Variants in RRAS2 observed in about 807,000 individuals in gnomAD.
RRAS2 encodes the protein ras-related protein R-Ras2.
Under a neutral mutation model 27.6 loss-of-function variants are expected in RRAS2, and 7 were observed. That is an observed-to-expected ratio of 0.25 (90% CI 0.14 to 0.48). The LOEUF is 0.48. RRAS2 is among the 20% of genes least tolerant of loss of function. The pLI is 0.99. For missense variants in RRAS2, 178 were observed against 256.2 expected (o/e 0.69, Z 2.08); for synonymous variants, 86 against 90.9 (o/e 0.95, Z 0.31).
At chr11:14,359,506 C>G (rs1849160514), upstream of RRAS2, among the ~76,000 whole-genome samples, 1 of 152,180 alleles carries the variant, frequency 6.6e-6, no homozygotes, top group Non-Finnish European at 1.5e-5. Context: ...AGTACATACC[C>G]TGCTTTAAGA....
intron 1 of RRAS2, among the ~76,000 whole-genome samples, chr11:14,301,570 T>C (rs186493768): frequency 5.9e-5 from 9 of 152,324 alleles, no homozygotes; most frequent in Admixed American, 5.9e-4. Context: ...GTCAGAGAAG[T>C]AAAGTGACCT....
intron 1 of RRAS2, among the ~76,000 whole-genome samples, chr11:14,302,111 CCAA>C (rs1847729866): frequency 1.4e-5 from 2 of 146,972 alleles, no homozygotes; most frequent in South Asian, 2.1e-4. Flanking sequence ...CACACACACA[CCAA>C]AAACCAAGAC....
intron 1 of RRAS2, among the ~76,000 whole-genome samples, chr11:14,353,987 T>C (rs1430798964): frequency 6.6e-6 from 1 of 152,200 alleles, no homozygotes. Context: ...TTCAAAATAA[T>C]AGATAAAAGT....
At chr11:14,304,504 C>T (rs184238945) in intron 1 of RRAS2, among the ~76,000 whole-genome samples, 2 of 152,224 alleles carry the variant, frequency 1.3e-5, no homozygotes, top group Admixed American at 1.3e-4. Flanking sequence ...TTTTGGGTTT[C>T]AAAAGAAGCT....
chr11:14,298,952 A>C (rs1554947037), intron 1 of RRAS2, among the ~76,000 whole-genome samples: 1 of 152,202 alleles, frequency 6.6e-6, no homozygotes, highest in African/African-American at 2.4e-5. Context: ...CCAATAAGTA[A>C]TCAGTCCCCG....
At chr11:14,314,759 G>A (rs1020631271) in intron 1 of RRAS2, among the ~76,000 whole-genome samples, 6 of 152,050 alleles carry the variant, frequency 3.9e-5, no homozygotes, top group Admixed American at 6.6e-5. Flanking sequence ...GTGCGATCTC[G>A]GCTCACTGCA....
chr11:14,327,151 A>G (rs906776941), intron 1 of RRAS2, among the ~76,000 whole-genome samples: 1 of 152,240 alleles, frequency 6.6e-6, no homozygotes, highest in Admixed American at 6.5e-5. Context: ...ACTAAGATGA[A>G]GCAGACATAG....
At chr11:14,301,412 TTC>T (rs797034359) in intron 1 of RRAS2, among the ~76,000 whole-genome samples, 3 of 152,302 alleles carry the variant, frequency 2.0e-5, no homozygotes, top group African/African-American at 4.8e-5. Flanking sequence ...CCAGGTTTTT[TTC>T]TCTTTTCCCC....
At chr11:14,307,639 C>T (rs782410149) in intron 1 of RRAS2, among the ~76,000 whole-genome samples, 1 of 152,042 alleles carries the variant, frequency 6.6e-6, no homozygotes, top group Non-Finnish European at 1.5e-5. Flanking sequence ...CAATGCAATA[C>T]TCCTTCCATT....
intron 1 of RRAS2, among the ~76,000 whole-genome samples, chr11:14,321,917 T>C (rs1378552388): frequency 1.3e-5 from 2 of 152,180 alleles, no homozygotes; most frequent in Non-Finnish European, 2.9e-5. Context: ...CAATGATTAG[T>C]TCATTATAAT....
chr11:14,349,254 C>T (rs868971231), intron 1 of RRAS2, among the ~76,000 whole-genome samples: 3 of 152,222 alleles, frequency 2.0e-5, no homozygotes, highest in Middle Eastern at 6.8e-3. Flanking sequence ...CAGGTTCACA[C>T]CATTCTCCTG....
At chr11:14,288,206 T>G (rs1196659816) in intron 4 of RRAS2, among the ~76,000 whole-genome samples, 6 of 152,178 alleles carry the variant, frequency 3.9e-5, no homozygotes, top group African/African-American at 1.4e-4. Context: ...CTTGAACTTC[T>G]GGGCTCAAGG....
upstream of RRAS2, among the ~76,000 whole-genome samples, chr11:14,363,689 C>T (rs560547595): frequency 1.3e-5 from 2 of 151,604 alleles, no homozygotes; most frequent in Admixed American, 6.6e-5. Context: ...GAGAATCACT[C>T]GAACCGGGGA....
intron 4 of RRAS2, among the ~76,000 whole-genome samples, chr11:14,283,422 A>G (rs1351279681): frequency 1.3e-5 from 2 of 152,200 alleles, no homozygotes; most frequent in Non-Finnish European, 2.9e-5. Context: ...CTGGCTTCAC[A>G]TAAGTTGCAA....
intron 1 of RRAS2, among the ~76,000 whole-genome samples, chr11:14,345,767 G>C (rs561171835): frequency 6.6e-6 from 1 of 152,112 alleles, no homozygotes; most frequent in African/African-American, 2.4e-5. Flanking sequence ...GTAAAATTTT[G>C]TATTTGTTGA....
chr11:14,362,645 TAGA>T (rs2134052031), upstream of RRAS2, among the ~76,000 whole-genome samples: 1 of 152,330 alleles, frequency 6.6e-6, no homozygotes, highest in Admixed American at 6.5e-5. Flanking sequence ...AAGAATGATC[TAGA>T]ACCTTGGAAA....
intron 1 of RRAS2, among the ~76,000 whole-genome samples, chr11:14,353,747 G>C (rs1370435696): frequency 6.6e-6 from 1 of 152,090 alleles, no homozygotes; most frequent in Non-Finnish European, 1.5e-5. Flanking sequence ...AGAAACTGCA[G>C]GTTAAAATTT....
intron 1 of RRAS2, among the ~76,000 whole-genome samples, chr11:14,323,117 T>G (rs1424256751): frequency 6.6e-6 from 1 of 152,052 alleles, no homozygotes; most frequent in African/African-American, 2.4e-5. Context: ...AAAATGGACA[T>G]ACGCCTAGAA....
upstream of RRAS2, among the ~76,000 whole-genome samples, chr11:14,361,916 A>G (rs1313738311): frequency 1.3e-5 from 2 of 152,240 alleles, no homozygotes; most frequent in African/African-American, 2.4e-5. Flanking sequence ...ATAAAAAGGA[A>G]TGAAGTCCTG....
Sources: gnomAD v4.1 joint callset for allele counts (sites outside exome capture counted in the v4.1 genomes callset) on GRCh38, gnomAD v4.1.1 for gene constraint, MANE v1.5 for transcripts, NCBI Gene and HGNC (gene_info 2026-07-23, HGNC 2026-07-21) for gene names.